CNTNAP2: variants seen among roughly 807,000 people sequenced by gnomAD.
CNTNAP2 encodes the protein contactin-associated protein-like 2.
Under a neutral mutation model 155.2 loss-of-function variants are expected in CNTNAP2, and 98 were observed. The observed-to-expected ratio is 0.63, with a 90% CI of 0.54 to 0.75. The LOEUF (loss-of-function observed/expected upper bound fraction) is 0.75. Among genes scored for constraint, CNTNAP2 ranks in the 30% least tolerant of loss-of-function variants. The pLI is 0.00. For missense variants in CNTNAP2, 1,727 were observed against 1,688.1 expected (o/e 1.02, Z -0.40); for synonymous variants, 651 against 631.2 (o/e 1.03, Z -0.47).
intron 1 of CNTNAP2, among the ~76,000 whole-genome samples, chr7:146,279,389 T>C (rs1337321177): frequency 1.3e-5 from 2 of 151,830 alleles, no homozygotes; most frequent in East Asian, 1.9e-4. Context: ...ATCTTTTTCA[T>C]AGAAGTTCTT....
intron 1 of CNTNAP2, among the ~76,000 whole-genome samples, chr7:146,580,133 G>A (rs965770240): frequency 6.6e-6 from 1 of 152,014 alleles, no homozygotes; most frequent in Non-Finnish European, 1.5e-5. Context: ...ATCATATATA[G>A]CTTTTCTGGT....
chr7:148,386,157 C>CACTT (rs57191660), intron 22 of CNTNAP2, among the ~76,000 whole-genome samples: 2,306 of 152,226 alleles, frequency 0.015, 65 homozygotes, highest in African/African-American at 0.052. Flanking sequence ...GAAAAATTTC[C>CACTT]ACTTACACTT....
At chr7:146,220,852 G>T (rs1401501599) in intron 1 of CNTNAP2, among the ~76,000 whole-genome samples, 1 of 152,116 alleles carries the variant, frequency 6.6e-6, no homozygotes, top group Non-Finnish European at 1.5e-5. Flanking sequence ...GAAACACTTT[G>T]GAACTGAAAA....
At chr7:148,247,643 A>ATTTTTTTTTTT (rs1563010572) in intron 20 of CNTNAP2, among the ~76,000 whole-genome samples, 1 of 129,720 alleles carries the variant, frequency 7.7e-6, no homozygotes. Flanking sequence ...TTATTTATTT[A>ATTTTTTTTTTT]TTTATTTATT....
At chr7:148,200,580 G>A (rs1277882339) in intron 18 of CNTNAP2, among the ~76,000 whole-genome samples, 2 of 151,882 alleles carry the variant, frequency 1.3e-5, no homozygotes, top group Admixed American at 6.6e-5. Flanking sequence ...ATTTCTACTG[G>A]ACAGGACTGA....
intron 1 of CNTNAP2, among the ~76,000 whole-genome samples, chr7:146,619,024 A>C (rs1799274539): frequency 6.6e-6 from 1 of 151,856 alleles, no homozygotes. Context: ...CAGTGAGCCA[A>C]GATTGTGACA....
At chr7:146,721,460 T>TC (rs1374634987) in intron 1 of CNTNAP2, among the ~76,000 whole-genome samples, 100 of 124,084 alleles carry the variant, frequency 8.1e-4, no homozygotes, top group African/African-American at 2.1e-3. Context: ...CTATATACAT[T>TC]TTATATACAT....
At chr7:147,743,211 G>C (rs540623352) in intron 13 of CNTNAP2, among the ~76,000 whole-genome samples, 1 of 152,108 alleles carries the variant, frequency 6.6e-6, no homozygotes, top group Non-Finnish European at 1.5e-5. Context: ...GGTCATATGC[G>C]ATGTCCACTA....
At chr7:146,171,671 C>T (rs991614743) in intron 1 of CNTNAP2, among the ~76,000 whole-genome samples, 5 of 151,932 alleles carry the variant, frequency 3.3e-5, no homozygotes, top group African/African-American at 1.2e-4. Flanking sequence ...TTTCTTTGGC[C>T]AAAATTTCTA....
chr7:146,592,048 A>G (rs1349793850), intron 1 of CNTNAP2, among the ~76,000 whole-genome samples: 1 of 152,200 alleles, frequency 6.6e-6, no homozygotes, highest in Non-Finnish European at 1.5e-5. Context: ...GAGAAGAAAG[A>G]GCTTCAGCTC....
intron 12 of CNTNAP2, among the ~76,000 whole-genome samples, chr7:147,637,174 A>G (rs1002242668): frequency 1.3e-5 from 2 of 152,186 alleles, no homozygotes; most frequent in African/African-American, 4.8e-5. Context: ...TGAGCAGAGT[A>G]TCAGAATCTC....
chr7:147,049,259 C>T (rs1799425449), intron 4 of CNTNAP2, among the ~76,000 whole-genome samples: 1 of 152,142 alleles, frequency 6.6e-6, no homozygotes, highest in African/African-American at 2.4e-5. Flanking sequence ...GATTCTTTTT[C>T]ATTTATTATT....
chr7:146,597,256 TG>T (rs1376297441), intron 1 of CNTNAP2, among the ~76,000 whole-genome samples: 15 of 152,040 alleles, frequency 9.9e-5, no homozygotes, highest in Non-Finnish European at 2.2e-4. Flanking sequence ...TGGATGAGAG[TG>T]TAAAGGTTAT....
At chr7:147,745,205 C>T (rs6954961) in intron 13 of CNTNAP2, among the ~76,000 whole-genome samples, 9,217 of 152,178 alleles carry the variant, frequency 0.061, 891 homozygotes, top group African/African-American at 0.21. Flanking sequence ...TCAAATGAAG[C>T]CTAATGATGC....
chr7:146,644,218 TC>T (rs1799768510), intron 1 of CNTNAP2, among the ~76,000 whole-genome samples: 1 of 152,198 alleles, frequency 6.6e-6, no homozygotes, highest in South Asian at 2.1e-4. Context: ...AGAGAGGGCA[TC>T]CCTGTCTTGT....
chr7:147,801,367 G>A (rs1319612042), intron 13 of CNTNAP2, among the ~76,000 whole-genome samples: 17 of 134,852 alleles, frequency 1.3e-4, no homozygotes, highest in African/African-American at 3.4e-4. Context: ...GGTGTTTTTC[G>A]CAGAGGGGGA....
intron 8 of CNTNAP2, among the ~76,000 whole-genome samples, chr7:147,136,475 G>A (rs569651094): frequency 3.9e-5 from 6 of 151,936 alleles, no homozygotes; most frequent in African/African-American, 9.6e-5. Context: ...TATTTACTTT[G>A]CTTCTTAGTA....
chr7:146,756,493 A>T (rs1433411530), intron 1 of CNTNAP2, among the ~76,000 whole-genome samples: 2 of 152,156 alleles, frequency 1.3e-5, no homozygotes, highest in Middle Eastern at 3.4e-3. Flanking sequence ...GTATCTTTTC[A>T]TATCTTTTCT....
intron 14 of CNTNAP2, among the ~76,000 whole-genome samples, chr7:147,951,808 T>C (rs1800934731): frequency 6.6e-6 from 1 of 151,864 alleles, no homozygotes; most frequent in Non-Finnish European, 1.5e-5. Context: ...TTAGGACAAA[T>C]ACCTAATGCA....
Sources: allele counts gnomAD v4.1 joint callset (sites outside exome capture counted in the v4.1 genomes callset), GRCh38; gene constraint gnomAD v4.1.1; transcripts MANE v1.5; gene names NCBI Gene and HGNC (gene_info 2026-07-23, HGNC 2026-07-21).